Variants in TFB1M observed in about 807,000 individuals in gnomAD.
TFB1M encodes transcription factor B1, mitochondrial.
In TFB1M, 27 loss-of-function variants were observed where a neutral mutation model predicts 31.1. The observed-to-expected ratio is 0.87, with a 90% CI of 0.64 to 1.20. The LOEUF is 1.20. TFB1M is among the 50% of genes most tolerant of loss of function. TFB1M has a pLI of 0.00. For synonymous variants in TFB1M, 166 were observed against 151.8 expected, an observed-to-expected ratio of 1.09 and a Z score of -0.69; for missense variants, 394 against 418.7, an observed-to-expected ratio of 0.94 and a Z score of 0.51.
rs1194940706 is a variant in TFB1M, at chr6:155,305,602, AAT to A, written c.285+5584_285+5585del. Among the ~76,000 whole-genome samples, 96 of 11,014 alleles carry A rather than the reference AAT, an allele frequency of 8.7e-3. 17 individuals are homozygous for A. Among genetic ancestry groups the A allele is most frequent in the African/African-American group, 0.053 (79 of 1,490 alleles). 7.2% of individuals were successfully genotyped at this position (11,014 alleles called of 152,430 possible). A position where few individuals can be genotyped will look rare whatever the true frequency, so the allele number is the denominator to read the frequency against. The stretch of plus-strand genomic sequence containing the variant: ...ATATTAAATTATATATTTATATATA[AAT>A]ATATATATATTAAATTATATATTTA... On this transcript the variant is annotated intron_variant, in intron 2 of 6. Coordinates refer to ENST00000367166, the MANE Select transcript of TFB1M (RefSeq NM_016020.4).
At chr6:155,278,000 T>G (rs898417005) in intron 5 of TFB1M, among the ~76,000 whole-genome samples, 3 of 152,200 alleles carry the variant, frequency 2.0e-5, no homozygotes, top group Non-Finnish European at 4.4e-5. Context: ...AGCTCTGGAG[T>G]ATTTTCTTCC....
At chr6:155,307,925 G>T (rs1185051752) in intron 2 of TFB1M, among the ~76,000 whole-genome samples, 1 of 149,926 alleles carries the variant, frequency 6.7e-6, no homozygotes, top group Admixed American at 6.6e-5. Flanking sequence ...AAAAAAAAAT[G>T]AGAGGAAATC....
At chr6:155,274,414 A>T (rs1319563859) in intron 5 of TFB1M, among the ~76,000 whole-genome samples, 1 of 152,262 alleles carries the variant, frequency 6.6e-6, no homozygotes, top group African/African-American at 2.4e-5. Context: ...TTCCTCTTAA[A>T]AATAAACAAA....
chr6:155,312,135 T>G (rs1778041846), intron 1 of TFB1M, among the ~76,000 whole-genome samples: 1 of 152,200 alleles, frequency 6.6e-6, no homozygotes, highest in Admixed American at 6.5e-5. Flanking sequence ...CTTCCTAGGA[T>G]AGTGGAAATT....
chr6:155,257,141 G>A lies in TFB1M; in HGVS notation c.*695C>T. On this transcript the variant is annotated 3_prime_UTR_variant, in exon 7 of 7. Transcript: ENST00000367166. ...TCATAGTATGATTCAATCCAGATAT[G>A]GGTTAAATTCCTCATTTTACTTTTA... 1.2e-6 allele frequency: 2 copies of A among 1,600,738 alleles called. No individual in the cohort carries two copies. Among genetic ancestry groups the A allele is most frequent in the Admixed American group, 1.7e-5 (1 of 59,406 alleles).
At chr6:155,262,187 G>T (rs1784423981) in intron 5 of TFB1M, among the ~76,000 whole-genome samples, 1 of 152,128 alleles carries the variant, frequency 6.6e-6, no homozygotes, top group Non-Finnish European at 1.5e-5. Flanking sequence ...TATAGGGAGA[G>T]AAGAAAGGTG....
At chr6:155,260,455 G>C in intron 5 of TFB1M, 55 bp from the exon 6 acceptor site, 1 of 1,611,520 alleles carries the variant, frequency 6.2e-7, no homozygotes, top group Non-Finnish European at 8.5e-7. Flanking sequence ...GGCATAGTGT[G>C]ATCAATCAAC....
Position 155,257,718 on chromosome 6 carries a change from G to T in TFB1M, c.*118C>A. The T allele has an allele frequency of 8.1e-7, 1 of 1,238,804 alleles. No individual in the cohort carries two copies. The highest frequency in any genetic ancestry group is 1.1e-6 in the Non-Finnish European group (1 of 871,316). The allele number at this position is 1,238,804 out of a possible 1,614,324, so 76.7% of individuals were successfully genotyped here. On this transcript the variant is annotated 3_prime_UTR_variant, in exon 7 of 7. Coordinates refer to ENST00000367166, the MANE Select transcript of TFB1M (RefSeq NM_016020.4). ...AAGCTGTATAGTAAAAGGAAAATAA[G>T]TCACATCTGGTCATTGGCATTTGTA...
At chr6:155,259,493 T>C (rs559808933) in intron 6 of TFB1M, among the ~76,000 whole-genome samples, 2 of 152,352 alleles carry the variant, frequency 1.3e-5, no homozygotes, top group South Asian at 2.1e-4. Flanking sequence ...TGTCATTTCA[T>C]ATGCTAAAGG....
chr6:155,283,958 T>C (rs141588323), intron 5 of TFB1M, among the ~76,000 whole-genome samples: 1 of 152,366 alleles, frequency 6.6e-6, no homozygotes, highest in East Asian at 1.9e-4. Context: ...AGTCATCAAA[T>C]TCTGTCTTGG....
chr6:155,304,939 A>G (rs1483306491), intron 2 of TFB1M, among the ~76,000 whole-genome samples: 1 of 151,146 alleles, frequency 6.6e-6, no homozygotes, highest in African/African-American at 2.4e-5. Flanking sequence ...CTGATTTTTG[A>G]CAATAGTACT....
At chr6:155,254,201 C>A (rs146208233), downstream of TFB1M, 3 of 1,008,818 alleles carry the variant, frequency 3.0e-6, no homozygotes, top group African/African-American at 4.9e-5. Context: ...CAACTGAGGC[C>A]GCTAGTAGGA....
At chr6:155,251,468 G>A (rs1263366802), downstream of TFB1M, among the ~76,000 whole-genome samples, 1 of 152,002 alleles carries the variant, frequency 6.6e-6, no homozygotes, top group Non-Finnish European at 1.5e-5. Context: ...TGTATTTTTA[G>A]TAGAGATGGG....
intron 2 of TFB1M, among the ~76,000 whole-genome samples, chr6:155,299,974 T>A (rs996786277): frequency 6.6e-6 from 1 of 152,230 alleles, no homozygotes; most frequent in Non-Finnish European, 1.5e-5. Flanking sequence ...CCATTTCCTA[T>A]CTACCTTTAT....
chr6:155,286,501 GTA>G (rs1457963229), intron 4 of TFB1M, among the ~76,000 whole-genome samples: 2 of 139,000 alleles, frequency 1.4e-5, no homozygotes, highest in Non-Finnish European at 3.0e-5. Context: ...ATATATGTGT[GTA>G]TATATATGTG....
downstream of TFB1M, chr6:155,254,043 C>T (rs746128037): frequency 5.6e-6 from 9 of 1,614,080 alleles, no homozygotes; most frequent in South Asian, 5.5e-5. Context: ...CAGAAACCAT[C>T]TTTCAGTTGT....
rs376419065 is a variant in TFB1M, at chr6:155,256,640, A to G, written c.*1196T>C. ...ACGGCTGAGGGCAGGCAGGACTCCA[A>G]GAGCACTTCTCCCGGGAAATACCCA... On this transcript the variant is annotated 3_prime_UTR_variant, in exon 7 of 7. Coordinates refer to ENST00000367166, the MANE Select transcript of TFB1M (RefSeq NM_016020.4). 3.1e-6 allele frequency: 5 copies of G among 1,614,230 alleles called. 1 individual carries two copies. Among genetic ancestry groups the G allele is most frequent in the Admixed American group, 3.3e-5 (2 of 60,030 alleles).
intron 5 of TFB1M, among the ~76,000 whole-genome samples, chr6:155,274,211 T>C (rs1385865541): frequency 6.6e-6 from 1 of 152,228 alleles, no homozygotes; most frequent in East Asian, 1.9e-4. Context: ...CACTTTAGCA[T>C]ACCATTCAAA....
chr6:155,249,860 A>C, the TFB1M span: 1 of 1,612,898 alleles, frequency 6.2e-7, no homozygotes, highest in Non-Finnish European at 8.5e-7. Flanking sequence ...GAAGCACTAA[A>C]GGCAATGGAG....
Sources: gnomAD v4.1 joint callset for allele counts (sites outside exome capture counted in the v4.1 genomes callset) on GRCh38, gnomAD v4.1.1 for gene constraint, MANE v1.5 for transcripts, NCBI Gene and HGNC (gene_info 2026-07-23, HGNC 2026-07-21) for gene names.